Variants in THAP4 observed in about 807,000 individuals in gnomAD.
THAP4 encodes the protein peroxynitrite isomerase THAP4.
THAP4 carries 18 observed loss-of-function variants against 48.1 expected under a neutral mutation model. The ratio of observed to expected loss-of-function variants is 0.37; its 90% confidence interval spans 0.26 to 0.56. The LOEUF (loss-of-function observed/expected upper bound fraction) is 0.56, where lower values mean the gene tolerates loss of function less well. Ranked by LOEUF, THAP4 falls within the 20% of genes least tolerant of loss-of-function variation. The pLI, the probability that THAP4 is intolerant of heterozygous loss-of-function variation, is 0.78. For missense variants in THAP4, 656 were observed against 774.9 expected, an observed-to-expected ratio of 0.85 and a Z score of 1.82; for synonymous variants, 345 against 324.9, an observed-to-expected ratio of 1.06 and a Z score of -0.66.
At chr2:241,586,116 G>C (rs1254954518) in intron 5 of THAP4, among the ~76,000 whole-genome samples, 2 of 151,112 alleles carry the variant, frequency 1.3e-5, no homozygotes, top group African/African-American at 4.9e-5. Context: ...AATTAGCCGG[G>C]TGTGGTGGCG....
chr2:241,590,957 C>G (rs1327308455), intron 5 of THAP4, among the ~76,000 whole-genome samples: 2 of 151,668 alleles, frequency 1.3e-5, no homozygotes, highest in East Asian at 1.9e-4. Flanking sequence ...AGCTGCTCGG[C>G]TGACGATGAT....
intron 5 of THAP4, among the ~76,000 whole-genome samples, chr2:241,591,123 TGGG>T (rs2066972196): frequency 1.0e-5 from 1 of 96,868 alleles, no homozygotes; most frequent in East Asian, 3.6e-4. Flanking sequence ...CTGACGATGA[TGGG>T]CACTAGGACA....
At position 241,602,962 on chromosome 2, in the gene THAP4, G is replaced by T; in HGVS notation, c.1510+8C>A. ...GCCAGCCCTCCCGCCCCGCAAGCTG[G>T]GCCTCACCTGTGTTCTGGGCGCTGA... On this transcript the variant is annotated splice_region_variant and intron_variant, in intron 4 of 5. Coordinates refer to ENST00000407315, the MANE Select transcript of THAP4 (RefSeq NM_015963.6). 1 of 1,610,230 alleles carries T rather than the reference G, an allele frequency of 6.2e-7. No individual in the cohort carries two copies. The highest frequency in any genetic ancestry group is 8.5e-7 in the Non-Finnish European group (1 of 1,176,782).
At chr2:241,597,514 G>A (rs2067064133) in intron 5 of THAP4, among the ~76,000 whole-genome samples, 1 of 152,154 alleles carries the variant, frequency 6.6e-6, no homozygotes, top group African/African-American at 2.4e-5. Context: ...ATACATATTG[G>A]AAAGATGATA....
At chr2:241,619,727 G>GGTGAGGGGTGA (rs1225921870) in intron 2 of THAP4, among the ~76,000 whole-genome samples, 15 of 141,436 alleles carry the variant, frequency 1.1e-4, no homozygotes, top group Non-Finnish European at 2.2e-4. Context: ...TGAGTGAGTC[G>GGTGAGGGGTGA]GTGAGGGGTG....
chr2:241,634,916 A>T (rs2067616860), intron 1 of THAP4, among the ~76,000 whole-genome samples: 1 of 152,274 alleles, frequency 6.6e-6, no homozygotes, highest in African/African-American at 2.4e-5. Flanking sequence ...ACTGCATGAT[A>T]CCACTCACAT....
chr2:241,633,183 G>T lies in THAP4; in HGVS notation c.974C>A (p.Pro325His), dbSNP rs1363369726. ...AVQSEHSDAS[P>H]MSINEVILSA... is the part of the protein sequence containing the mutation. ...CAGGATGACCTCGTTGATGGACATGGGGCTGGCGTCGCTGTGCTCGCTCTG... is the reference window on the plus strand; with the variant it reads ...CAGGATGACCTCGTTGATGGACATGTGGCTGGCGTCGCTGTGCTCGCTCTG... Residue 325 changes from proline to histidine, a missense_variant, in exon 2 of 6, where the codon CCC (proline) becomes CAC (histidine). This residue lies in a region of THAP4 where 391 missense variants were observed against 412.4 expected (regional missense o/e 0.95). Coordinates refer to ENST00000407315, the MANE Select transcript of THAP4 (RefSeq NM_015963.6). This position sits in a 1 kb window ranked among gnomAD's most constrained non-coding sequence, Gnocchi z 7.5. 1 of 1,608,972 alleles carries T rather than the reference G, an allele frequency of 6.2e-7. No homozygotes were observed. Among genetic ancestry groups the T allele is most frequent in the Non-Finnish European group, 8.5e-7 (1 of 1,176,748 alleles).
rs376698931 is a variant in THAP4, at chr2:241,637,009, G to A, written c.9C>T (p.Ile3=). 3.6e-5 allele frequency: 46 copies of A among 1,291,838 alleles called. No individual in the cohort carries two copies. In the African/African-American group the frequency reaches 5.5e-4, roughly 15 times the overall value. The allele number at this position is 1,291,838 out of a possible 1,614,324, so 80.0% of individuals were successfully genotyped here. The stretch of plus-strand genomic sequence containing the variant: ...TGGAGCAGTTCACGGCCGCACAGCA[G>A]ATCACCATCGCGGGCCTTGGCCCAG... MV[I]CCAAVNCSNR... The change falls in exon 1 of 6, where the codon ATC becomes ATT. Residue 3 remains isoleucine (I), a synonymous_variant. Transcript: ENST00000407315.
intron 2 of THAP4, among the ~76,000 whole-genome samples, chr2:241,609,525 ACCTGTAATC>A (rs1481564690): frequency 6.6e-6 from 1 of 152,164 alleles, no homozygotes; most frequent in Non-Finnish European, 1.5e-5. Flanking sequence ...GGCTCACTGA[ACCTGTAATC>A]CCAGCACTTT....
At chr2:241,599,912 G>C (rs1456374006) in intron 5 of THAP4, among the ~76,000 whole-genome samples, 1 of 152,108 alleles carries the variant, frequency 6.6e-6, no homozygotes, top group African/African-American at 2.4e-5. Context: ...ACAAGCAGAC[G>C]AAGAAAGACA....
rs769783351 is a variant in THAP4, at chr2:241,634,022, A to G, written c.135T>C (p.Asp45=). The G allele has an allele frequency of 1.2e-6, 2 of 1,613,912 alleles. No individual in the cohort carries two copies. The highest frequency in any genetic ancestry group is 4.5e-5 in the East Asian group (2 of 44,876). ...ATGAATACTTAGTGGGAGTCCAGTTATCCCTCTGAACAGCTTTTAACCATT... is the reference window on the plus strand; with the variant it reads ...ATGAATACTTAGTGGGAGTCCAGTTGTCCCTCTGAACAGCTTTTAACCATT... ...LIQWLKAVQR[D]NWTPTKYSFL... The change falls in exon 2 of 6, where the codon GAT becomes GAC. Residue 45 remains aspartate (D), a synonymous_variant. Coordinates refer to ENST00000407315, the MANE Select transcript of THAP4 (RefSeq NM_015963.6).
At chr2:241,586,530 T>C (rs1305860253) in intron 5 of THAP4, among the ~76,000 whole-genome samples, 3 of 152,014 alleles carry the variant, frequency 2.0e-5, no homozygotes, top group Non-Finnish European at 2.9e-5. Context: ...GAAAAACTCC[T>C]TAGGTTACTA....
chr2:241,632,326 C>T (rs1424568364), intron 2 of THAP4, among the ~76,000 whole-genome samples: 1 of 152,116 alleles, frequency 6.6e-6, no homozygotes, highest in African/African-American at 2.4e-5. Context: ...TCTCGAACTC[C>T]TGACCTCAAG....
rs548543876 is a variant in THAP4 at position 241,615,150 on chromosome 2, C to T, written c.1241-8677G>A. On this transcript the variant is annotated intron_variant, in intron 2 of 5. Coordinates refer to ENST00000407315, the MANE Select transcript of THAP4 (RefSeq NM_015963.6). Reference sequence around the variant, plus strand: ...TCTATGATTCCAATTAGATGAAATTCGAGACCAGGCAGAAAGGATGGAGGG... The same window carrying T: ...TCTATGATTCCAATTAGATGAAATTTGAGACCAGGCAGAAAGGATGGAGGG... 7.9e-5 allele frequency among the ~76,000 whole-genome samples: 12 copies of T among 152,132 alleles called. No individual in the cohort carries two copies. The South Asian group carries it at 1.7e-3, about 21-fold the overall frequency.
At chr2:241,623,438 G>A (rs1013599455) in intron 2 of THAP4, among the ~76,000 whole-genome samples, 2 of 151,958 alleles carry the variant, frequency 1.3e-5, no homozygotes, top group Admixed American at 6.6e-5. Flanking sequence ...AAATTAGCAG[G>A]GCATGGTGGC....
At chr2:241,618,832 A>C (rs868275614) in intron 2 of THAP4, among the ~76,000 whole-genome samples, 20 of 152,214 alleles carry the variant, frequency 1.3e-4, no homozygotes, top group South Asian at 2.1e-4. Flanking sequence ...CCAAGAAAAA[A>C]AAAAACACCT....
chr2:241,630,245 A>G (rs1210426065), intron 2 of THAP4, among the ~76,000 whole-genome samples: 1 of 152,212 alleles, frequency 6.6e-6, no homozygotes, highest in Non-Finnish European at 1.5e-5. Context: ...ACAAAAGCAG[A>G]GAGAGGCAGA....
At chr2:241,637,451 A>G (rs1465797275), upstream of THAP4, 7 of 1,471,842 alleles carry the variant, frequency 4.8e-6, no homozygotes, top group Middle Eastern at 1.7e-4. Context: ...AGCGCCACCC[A>G]TGGCACACAG....
intron 1 of THAP4, among the ~76,000 whole-genome samples, chr2:241,635,894 T>C (rs1008990255): frequency 6.6e-6 from 1 of 152,180 alleles, no homozygotes; most frequent in African/African-American, 2.4e-5. Flanking sequence ...CCTAACAGGA[T>C]GGACTGGGCC....
Sources: allele counts gnomAD v4.1 joint callset (sites outside exome capture counted in the v4.1 genomes callset), GRCh38; gene constraint gnomAD v4.1.1; regional missense constraint gnomAD v4.1.1; non-coding constraint Gnocchi (gnomAD v3.1); transcripts MANE v1.5; gene names NCBI Gene and HGNC (gene_info 2026-07-23, HGNC 2026-07-21).